ROBO2: variants seen among roughly 807,000 people sequenced by gnomAD.
ROBO2 encodes roundabout guidance receptor 2.
ROBO2 carries 53 observed loss-of-function variants against 160.8 expected under a neutral mutation model. That is an observed-to-expected ratio of 0.33 (90% CI 0.26 to 0.41). The LOEUF is 0.41. Ranked by LOEUF, ROBO2 falls within the 10% of genes least tolerant of loss-of-function variation. The probability of loss-of-function intolerance (pLI) is 1.00; values close to 1 mark genes in which losing one functional copy is unlikely to be tolerated. For missense variants in ROBO2, 1,577 were observed against 1,722.4 expected (o/e 0.92, Z 1.49); for synonymous variants, 664 against 611.7 (o/e 1.09, Z -1.26).
intron 2 of ROBO2, among the ~76,000 whole-genome samples, chr3:76,293,392 G>A (rs1199352178): frequency 2.0e-5 from 3 of 152,172 alleles, no homozygotes; most frequent in Non-Finnish European, 4.4e-5. Context: ...GACACCAGAG[G>A]CCAAAGGGGC....
At chr3:76,251,434 T>A (rs1705992573) in intron 2 of ROBO2, among the ~76,000 whole-genome samples, 1 of 152,068 alleles carries the variant, frequency 6.6e-6, no homozygotes, top group East Asian at 1.9e-4. Context: ...GAAATTAATA[T>A]AAATCTACAG....
chr3:76,306,697 G>C (rs1292267126), intron 2 of ROBO2, among the ~76,000 whole-genome samples: 1 of 152,126 alleles, frequency 6.6e-6, no homozygotes, highest in African/African-American at 2.4e-5. Context: ...TAAGCATTTT[G>C]ATAACAGGGA....
intron 2 of ROBO2, among the ~76,000 whole-genome samples, chr3:76,530,936 T>TCCCACG (rs2082192301): frequency 6.6e-6 from 1 of 152,148 alleles, no homozygotes; most frequent in Admixed American, 6.5e-5. Flanking sequence ...AGTCTCTACT[T>TCCCACG]CCCACGCTTG....
At chr3:77,572,951 T>C (rs1047846893) in intron 13 of ROBO2, among the ~76,000 whole-genome samples, 1 of 152,020 alleles carries the variant, frequency 6.6e-6, no homozygotes, top group Non-Finnish European at 1.5e-5. Context: ...AAATTTCAAA[T>C]TTCTTGGATA....
rs2079291509 is a variant in ROBO2, at chr3:77,436,387, G to T, written c.389-41027G>T. On this transcript the variant is annotated intron_variant, in intron 2 of 25. Coordinates refer to ENST00000461745, the Ensembl canonical transcript of ROBO2. ...GAATCACAAATATGTTCTAGAACCA[G>T]AGGTGGGTAATGTTGATAGTATAGC... Among the ~76,000 whole-genome samples the T allele has an allele frequency of 5.3e-5, 8 of 151,770 alleles. No individual in the cohort carries two copies. In the South Asian group the frequency reaches 1.7e-3, roughly 31 times the overall value.
chr3:76,823,965 G>T (rs1014091051), intron 2 of ROBO2, among the ~76,000 whole-genome samples: 14 of 152,130 alleles, frequency 9.2e-5, no homozygotes, highest in African/African-American at 3.1e-4. Context: ...GTAAAAGTTT[G>T]CTTGTAAAAC....
chr3:77,365,178 G>T, intron 2 of ROBO2, among the ~76,000 whole-genome samples: 1 of 150,710 alleles, frequency 6.6e-6, no homozygotes, highest in African/African-American at 2.4e-5. Flanking sequence ...GAAAGAAAAA[G>T]AAGAGGTTCT....
chr3:77,524,005 G>T (rs980690103), intron 6 of ROBO2, among the ~76,000 whole-genome samples: 1 of 151,064 alleles, frequency 6.6e-6, no homozygotes, highest in Admixed American at 6.6e-5. Context: ...GTAAGAAAAA[G>T]GATTTTTACC....
rs144990068 is a variant in ROBO2 at position 77,567,313 on chromosome 3, A to G, written c.1850-1000A>G. On this transcript the variant is annotated intron_variant, in intron 12 of 25. Transcript: ENST00000461745. ...TTCCTTTCTTAAATACAATAGTTGG[A>G]GAAAAACAATTCAACAACATTGTGT... 3.0e-3 allele frequency among the ~76,000 whole-genome samples: 453 copies of G among 152,234 alleles called. 7 individuals are homozygous for G. Among genetic ancestry groups the G allele is most frequent in the Non-Finnish European group, 1.2e-3 (80 of 68,000 alleles).
chr3:77,048,430 A>G (rs1043633413), intron 1 of ROBO2, among the ~76,000 whole-genome samples: 1 of 152,160 alleles, frequency 6.6e-6, no homozygotes, highest in South Asian at 2.1e-4. Flanking sequence ...ACGAATGAAG[A>G]TAGTAAACAA....
At chr3:77,429,666 A>G in intron 2 of ROBO2, among the ~76,000 whole-genome samples, 1 of 151,680 alleles carries the variant, frequency 6.6e-6, no homozygotes, top group East Asian at 2.0e-4. Context: ...AAATACTGAA[A>G]AGGAAATTCA....
intron 1 of ROBO2, among the ~76,000 whole-genome samples, chr3:77,095,290 A>G (rs1419183281): frequency 6.6e-6 from 1 of 152,104 alleles, no homozygotes; most frequent in African/African-American, 2.4e-5. Context: ...AAATGAGTAA[A>G]ATTCTTCGTG....
intron 6 of ROBO2, among the ~76,000 whole-genome samples, chr3:77,526,570 GAT>G (rs1307770230): frequency 6.6e-6 from 1 of 151,480 alleles, no homozygotes; most frequent in Non-Finnish European, 1.5e-5. Flanking sequence ...CGTCTAAATT[GAT>G]AGCGTGTTAT....
Position 76,143,640 on chromosome 3 carries a change from C to A in ROBO2, c.109+206038C>A, listed in dbSNP as rs118072089. Among the ~76,000 whole-genome samples, 88 of 152,132 alleles carry A rather than the reference C, an allele frequency of 5.8e-4. No individual in the cohort carries two copies. The East Asian group carries it at 0.017, about 29-fold the overall frequency. The stretch of plus-strand genomic sequence containing the variant: ...ATTCAAAAACCTCAGCCTTAAAACC[C>A]ATTTTTCTAAAACCACTCCCCAAAT... On this transcript the variant is annotated intron_variant, in intron 2 of 26. Coordinates refer to the ROBO2 transcript ENST00000487694.
At chr3:77,504,679 A>G (rs1169026084) in intron 5 of ROBO2, among the ~76,000 whole-genome samples, 2 of 152,210 alleles carry the variant, frequency 1.3e-5, no homozygotes, top group Admixed American at 6.5e-5. Context: ...CAAATATTAT[A>G]TATCAAGAAT....
At chr3:77,202,395 C>T (rs539982669) in intron 2 of ROBO2, among the ~76,000 whole-genome samples, 4 of 152,176 alleles carry the variant, frequency 2.6e-5, no homozygotes, top group South Asian at 2.1e-4. Flanking sequence ...TGAAGAAAGT[C>T]AAATTAATGA....
At chr3:76,763,484 T>C (rs2061414355) in intron 2 of ROBO2, among the ~76,000 whole-genome samples, 1 of 151,756 alleles carries the variant, frequency 6.6e-6, no homozygotes, top group African/African-American at 2.4e-5. Context: ...TATCTATATT[T>C]ACATCTATTC....
chr3:76,426,412 A>G (rs2076222158), intron 2 of ROBO2, among the ~76,000 whole-genome samples: 1 of 152,084 alleles, frequency 6.6e-6, no homozygotes, highest in Non-Finnish European at 1.5e-5. Flanking sequence ...AACTCTGTGG[A>G]AATATGGAAA....
At chr3:76,411,175 A>G (rs1224051552) in intron 2 of ROBO2, among the ~76,000 whole-genome samples, 2 of 152,176 alleles carry the variant, frequency 1.3e-5, no homozygotes, top group African/African-American at 4.8e-5. Context: ...AATAGCTTAT[A>G]GGCTGAATTA....
Sources: gnomAD v4.1 joint callset for allele counts (sites outside exome capture counted in the v4.1 genomes callset) on GRCh38, gnomAD v4.1.1 for gene constraint, MANE v1.5 for transcripts, NCBI Gene and HGNC (gene_info 2026-07-23, HGNC 2026-07-21) for gene names.